MARF1: variants seen among roughly 807,000 people sequenced by gnomAD.
The protein encoded by MARF1 is limkain-b1.
Under a neutral mutation model 168.2 loss-of-function variants are expected in MARF1, and 24 were observed. The observed-to-expected ratio is 0.14, with a 90% CI of 0.10 to 0.20. The LOEUF is 0.20. MARF1 is among the 10% of genes least tolerant of loss of function. MARF1 has a pLI of 1.00. For missense variants in MARF1, 1,744 were observed against 2,143.6 expected (o/e 0.81, Z 3.68); for synonymous variants, 868 against 822.4 (o/e 1.06, Z -0.95).
chr16:15,619,360 G>T (rs140466844), intron 13 of MARF1, among the ~76,000 whole-genome samples: 3 of 152,116 alleles, frequency 2.0e-5, no homozygotes, highest in Admixed American at 6.5e-5. Flanking sequence ...CTGTAACATC[G>T]AGTTCTGTCC....
At chr16:15,597,000 T>C in intron 26 of MARF1, 63 bp from the exon 27 acceptor site, 1 of 1,496,520 alleles carries the variant, frequency 6.7e-7, no homozygotes, top group South Asian at 1.3e-5. Flanking sequence ...GGGTTTTCTC[T>C]TCCTTGCTCA....
At chr16:15,633,506 A>G in intron 5 of MARF1, 111 bp downstream of exon 5, 1 of 780,416 alleles carries the variant, frequency 1.3e-6, no homozygotes. Flanking sequence ...TGAATGCGTC[A>G]CTGCACTCCA....
At chr16:15,603,974 C>T (rs1381433641) in intron 22 of MARF1, among the ~76,000 whole-genome samples, 194 bp downstream of exon 22, 2 of 152,084 alleles carry the variant, frequency 1.3e-5, no homozygotes, top group African/African-American at 4.8e-5. Context: ...ATGAGGAGAC[C>T]AGGCTTTCAC....
At position 15,596,603 on chromosome 16, in the gene MARF1, G is replaced by C; in HGVS notation, c.*90C>G. 7.3e-7 allele frequency: 1 copy of C among 1,360,554 alleles called. No individual in the cohort carries two copies. Among genetic ancestry groups the C allele is most frequent in the Non-Finnish European group, 9.8e-7 (1 of 1,019,010 alleles). The allele number at this position is 1,360,554 out of a possible 1,614,324, so 84.3% of individuals were successfully genotyped here. The stretch of plus-strand genomic sequence containing the variant: ...GTCAATGGCTTCGGGGGGTTTTCAT[G>C]ACACAGAAAAGGATGTATTTTTGAA... On this transcript the variant is annotated 3_prime_UTR_variant, in exon 27 of 27. Coordinates refer to ENST00000396368, the MANE Select transcript of MARF1 (RefSeq NM_014647.4).
At position 15,643,138 on chromosome 16, in the gene MARF1, T is replaced by C; in HGVS notation, c.-179A>G. ...CCCGCCGCCGCCGCCAAGCGCACCC[T>C]TCACTTCCGCTTCCGCACCGCACCG... On this transcript the variant is annotated 5_prime_UTR_variant, in exon 1 of 27. Transcript: ENST00000396368. The C allele has an allele frequency of 4.0e-6, 1 of 248,544 alleles. No individual in the cohort carries two copies. Among genetic ancestry groups the C allele is most frequent in the Non-Finnish European group, 7.5e-6 (1 of 133,596 alleles). 15.4% of individuals were successfully genotyped at this position (248,544 alleles called of 1,614,324 possible). A position where few individuals can be genotyped will look rare whatever the true frequency, so the allele number is the denominator to read the frequency against.
chr16:15,597,097 G>C (rs2031793371), intron 26 of MARF1, among the ~76,000 whole-genome samples, 160 bp from the exon 27 acceptor site: 1 of 152,200 alleles, frequency 6.6e-6, no homozygotes, highest in African/African-American at 2.4e-5. Context: ...TGTGGCCAGT[G>C]AACTTGGCAC....
chr16:15,629,891 G>T (rs1300579572), intron 7 of MARF1, among the ~76,000 whole-genome samples: 1 of 152,204 alleles, frequency 6.6e-6, no homozygotes. Context: ...GAGGCCCGCT[G>T]AAGCTTAAGG....
intron 19 of MARF1, among the ~76,000 whole-genome samples, chr16:15,610,111 A>C (rs142656620): frequency 6.6e-6 from 1 of 152,330 alleles, no homozygotes; most frequent in East Asian, 1.9e-4. Flanking sequence ...ACGCTTCTGA[A>C]TATCCCCACT....
intron 1 of MARF1, among the ~76,000 whole-genome samples, chr16:15,641,898 G>A (rs1293954106): frequency 6.6e-6 from 1 of 152,162 alleles, no homozygotes; most frequent in Non-Finnish European, 1.5e-5. Context: ...GCCAAAAGCA[G>A]GTTCTGTTTG....
chr16:15,643,060 G>GC lies in MARF1; in HGVS notation c.-102dup. On this transcript the variant is annotated 5_prime_UTR_variant, in exon 1 of 27. Transcript: ENST00000396368. The stretch of plus-strand genomic sequence containing the variant: ...CCTCCGCTCACATTCCGGCCCCGCC[G>GC]CCTTCCCCCCGCCCCCCCCAGGCCC... 1 of 260,446 alleles carries GC rather than the reference G, an allele frequency of 3.8e-6. No homozygotes were observed. Among genetic ancestry groups the GC allele is most frequent in the Non-Finnish European group, 7.5e-6 (1 of 134,176 alleles). 16.1% of individuals were successfully genotyped at this position (260,446 alleles called of 1,614,324 possible).
chr16:15,599,638 AC>A (rs2032198014), intron 25 of MARF1, among the ~76,000 whole-genome samples: 1 of 152,202 alleles, frequency 6.6e-6, no homozygotes, highest in African/African-American at 2.4e-5. Flanking sequence ...CTCACCTATA[AC>A]GATGAATTCA....
In MARF1 at chr16:15,633,172, A is replaced by AAC. The variant is rs1555529748; in HGVS notation, c.1233+444_1233+445insGT. ...AATCAGAATTCTAAAAAAAAAAAAA[A>AAC]CACCACACACACACACACACACACA... On this transcript the variant is annotated intron_variant, in intron 5 of 26. Coordinates refer to ENST00000396368, the MANE Select transcript of MARF1 (RefSeq NM_014647.4). Among the ~76,000 whole-genome samples, 10 of 127,780 alleles carry AAC rather than the reference A, an allele frequency of 7.8e-5. No individual in the cohort carries two copies. In the East Asian group the frequency reaches 2.5e-3, roughly 32 times the overall value. The allele number at this position is 127,780 out of a possible 152,430, so 83.8% of individuals were successfully genotyped here. A position where few individuals can be genotyped will look rare whatever the true frequency, so the allele number is the denominator to read the frequency against.
intron 5 of MARF1, among the ~76,000 whole-genome samples, chr16:15,632,188 A>G (rs139422644): frequency 2.6e-5 from 4 of 152,188 alleles, no homozygotes; most frequent in South Asian, 2.1e-4. Flanking sequence ...CTTTCAGAAA[A>G]TAAGTAGAAT....
At position 15,636,120 on chromosome 16, in the gene MARF1, T is replaced by TACCGCC. The variant is rs532670060; in HGVS notation, c.361_366dup (p.Gly121_Gly122dup). 136 of 1,614,204 alleles carry TACCGCC rather than the reference T, an allele frequency of 8.4e-5. 1 individual carries two copies. In the African/African-American group the frequency reaches 1.7e-3, roughly 21 times the overall value. On this transcript the variant is annotated inframe_insertion, in exon 3 of 27. Coordinates refer to ENST00000396368, the MANE Select transcript of MARF1 (RefSeq NM_014647.4). Reference sequence around the variant, plus strand: ...TGAATCAAGCTACTGGTACCTCCGCTACCGCCACCACCACCACCAAAACGC... The same window carrying TACCGCC: ...TGAATCAAGCTACTGGTACCTCCGCTACCGCCACCGCCACCACCACCACCAAAACGC...
chr16:15,639,316 G>C (rs1207581744), intron 1 of MARF1, 25 bp from the exon 2 acceptor site: 2 of 1,465,330 alleles, frequency 1.4e-6, no homozygotes, highest in Non-Finnish European at 1.8e-6. Flanking sequence ...TAAGATTTCA[G>C]TGTTATTTCC....
chr16:15,631,520 G>A (rs181107152), intron 5 of MARF1, 22 bp from the exon 6 acceptor site: 43 of 1,535,596 alleles, frequency 2.8e-5, no homozygotes, highest in Non-Finnish European at 3.7e-5. Context: ...TATAATAAGG[G>A]TGAATAAGCA....
Position 15,611,713 on chromosome 16 carries a change from G to A in MARF1, c.3496C>T (p.Arg1166Cys), listed in dbSNP as rs780016235. 5.6e-6 allele frequency: 9 copies of A among 1,613,812 alleles called. No homozygotes were observed. The highest frequency in any genetic ancestry group is 1.3e-5 in the African/African-American group (1 of 74,908). The change falls in exon 18 of 27, where the codon CGT (arginine) becomes TGT (cysteine). Residue 1166 changes from arginine to cysteine, a missense_variant. By Grantham distance (180) the Arg-to-Cys change is radical (BLOSUM62 -3). This residue lies in a region of MARF1 where 543 missense variants were observed against 742.1 expected (regional missense o/e 0.73). Coordinates refer to ENST00000396368, the MANE Select transcript of MARF1 (RefSeq NM_014647.4). ...GCCCTGTGGGTAAGGGTCAGCAGAC[G>A]TTTGGAGCCCATTCCAAGAATCTGC... The part of the protein sequence containing the change: ...VLQILGMGSK[R>C]LLTLTHRAQV...
chr16:15,621,143 G>A (rs1360028771), intron 12 of MARF1, among the ~76,000 whole-genome samples: 1 of 151,902 alleles, frequency 6.6e-6, no homozygotes, highest in East Asian at 1.9e-4. Flanking sequence ...AAGTAATAGT[G>A]AAGTACAAGT....
At chr16:15,610,954 A>T (rs1256161988) in intron 19 of MARF1, 21 bp downstream of exon 19, 2 of 1,610,324 alleles carry the variant, frequency 1.2e-6, no homozygotes. Flanking sequence ...ATATCCTTCC[A>T]GCAAATGTTA....
Sources: gnomAD v4.1 joint callset for allele counts (sites outside exome capture counted in the v4.1 genomes callset) on GRCh38, gnomAD v4.1.1 for gene constraint, gnomAD v4.1.1 regional missense constraint, MANE v1.5 for transcripts, NCBI Gene and HGNC (gene_info 2026-07-23, HGNC 2026-07-21) for gene names.